The following RNFT2 variants were observed in gnomAD, a reference collection of about 807,000 sequenced individuals.
RNFT2 encodes the protein E3 ubiquitin-protein ligase RNFT2.
Under a neutral mutation model 53.0 loss-of-function variants are expected in RNFT2, and 36 were observed. The observed-to-expected ratio is 0.68, with a 90% CI of 0.52 to 0.90. RNFT2 has a LOEUF of 0.90. Ranked by LOEUF, RNFT2 falls within the 40% of genes least tolerant of loss-of-function variation. The pLI, the probability that RNFT2 is intolerant of heterozygous loss-of-function variation, is 0.00. For synonymous variants in RNFT2, 260 were observed against 253.2 expected, an observed-to-expected ratio of 1.03 and a Z score of -0.26; for missense variants, 514 against 585.6, an observed-to-expected ratio of 0.88 and a Z score of 1.26.
rs35922781 is a variant in RNFT2 at position 116,846,437 on chromosome 12, AT to A, written c.1201-2865del. ...CGGCACATGCCACCATGCCCAGCTA[AT>A]TTTTTTTTTTTGTAGAGACATATGG... On this transcript the variant is annotated intron_variant, in intron 10 of 10. Coordinates refer to ENST00000257575, the MANE Select transcript of RNFT2 (RefSeq NM_001382266.1). Among the ~76,000 whole-genome samples, 22 of 104,358 alleles carry A rather than the reference AT, an allele frequency of 2.1e-4. 1 individual carries two copies. The highest frequency in any genetic ancestry group is 8.9e-4 in the South Asian group (3 of 3,358). 68.5% of individuals were successfully genotyped at this position (104,358 alleles called of 152,430 possible).
At chr12:116,816,135 A>C (rs1161528371) in intron 7 of RNFT2, among the ~76,000 whole-genome samples, 1 of 152,200 alleles carries the variant, frequency 6.6e-6, no homozygotes, top group East Asian at 1.9e-4. Flanking sequence ...TTTCGTAGCT[A>C]ACAGGGTCCC....
intron 10 of RNFT2, among the ~76,000 whole-genome samples, chr12:116,844,918 A>T (rs1462219732): frequency 6.6e-6 from 1 of 152,114 alleles, no homozygotes; most frequent in Admixed American, 6.6e-5. Context: ...AACCGTACTC[A>T]GCATAAAACC....
chr12:116,798,001 C>A lies in RNFT2; in HGVS notation c.882+18653C>A, dbSNP rs910076332. 2.6e-5 allele frequency among the ~76,000 whole-genome samples: 4 copies of A among 152,138 alleles called. No individual in the cohort carries two copies. In the East Asian group the frequency reaches 7.7e-4, roughly 29 times the overall value. ...AAGCTGCCTCCACCCTGTCCCTGTTCTAGCTAGCTCTCAACTTGGCCCCAT... is the reference window on the plus strand; with the variant it reads ...AAGCTGCCTCCACCCTGTCCCTGTTATAGCTAGCTCTCAACTTGGCCCCAT... On this transcript the variant is annotated intron_variant, in intron 7 of 10. Coordinates refer to ENST00000257575, the MANE Select transcript of RNFT2 (RefSeq NM_001382266.1).
chr12:116,839,060 A>G (rs1266207624), intron 10 of RNFT2, among the ~76,000 whole-genome samples: 1 of 152,226 alleles, frequency 6.6e-6, no homozygotes, highest in African/African-American at 2.4e-5. Flanking sequence ...TGCTTCCTCC[A>G]TAAAGTCTTT....
At chr12:116,824,208 C>T (rs1039241054) in intron 7 of RNFT2, among the ~76,000 whole-genome samples, 1 of 152,160 alleles carries the variant, frequency 6.6e-6, no homozygotes, top group African/African-American at 2.4e-5. Context: ...TATGTATAGA[C>T]TCCCATTCCT....
At chr12:116,790,252 C>T (rs931524558) in intron 7 of RNFT2, among the ~76,000 whole-genome samples, 7 of 152,146 alleles carry the variant, frequency 4.6e-5, no homozygotes, top group African/African-American at 1.7e-4. Flanking sequence ...TATTATGAGG[C>T]AATGTGTTAA....
At chr12:116,805,116 A>G (rs868076978) in intron 7 of RNFT2, among the ~76,000 whole-genome samples, 2 of 102,870 alleles carry the variant, frequency 1.9e-5, no homozygotes, top group South Asian at 6.9e-4. Context: ...GGGTTAAGAC[A>G]TTGTCTTTTT....
rs1566069421 is a variant in RNFT2, at chr12:116,750,856, A to ATG, written c.550+550_550+551insGT. Among the ~76,000 whole-genome samples, 9 of 14,698 alleles carry ATG rather than the reference A, an allele frequency of 6.1e-4. 1 individual carries two copies. The highest frequency in any genetic ancestry group is 7.8e-3 in the South Asian group (2 of 256). The allele number at this position is 14,698 out of a possible 152,430, so 9.6% of individuals were successfully genotyped here. A position where few individuals can be genotyped will look rare whatever the true frequency, so the allele number is the denominator to read the frequency against. On this transcript the variant is annotated intron_variant, in intron 4 of 10. Coordinates refer to ENST00000257575, the MANE Select transcript of RNFT2 (RefSeq NM_001382266.1). ...TATATATATTATATATATATAATAT[A>ATG]TATTATATATATATAATATATATAT...
At chr12:116,801,233 C>T (rs1474818574) in intron 7 of RNFT2, 2 of 152,222 alleles carry the variant, frequency 1.3e-5, no homozygotes, top group South Asian at 2.1e-4. Context: ...TCCCTTTTCT[C>T]ACCGTCAGGT....
In RNFT2 at chr12:116,823,892, A is replaced by G. The variant is rs1010387601; in HGVS notation, c.883-9900A>G. ...ACAACCCTAGGAGCCAGGGGCTACCATTAGCCCCATTTTACTAGCGAGGAA... is the reference window on the plus strand; with the variant it reads ...ACAACCCTAGGAGCCAGGGGCTACCGTTAGCCCCATTTTACTAGCGAGGAA... On this transcript the variant is annotated intron_variant, in intron 7 of 10. Transcript: ENST00000257575. 4.0e-5 allele frequency among the ~76,000 whole-genome samples: 6 copies of G among 151,894 alleles called. No individual in the cohort carries two copies. The South Asian group carries it at 1.2e-3, about 31-fold the overall frequency.
At chr12:116,759,954 G>A (rs1017303382) in intron 5 of RNFT2, among the ~76,000 whole-genome samples, 9 of 152,114 alleles carry the variant, frequency 5.9e-5, no homozygotes, top group African/African-American at 1.2e-4. Context: ...TACCAGGGTG[G>A]GTAGGAGGGA....
intron 7 of RNFT2, among the ~76,000 whole-genome samples, chr12:116,786,927 G>GTCT (rs1873959439): frequency 6.6e-6 from 1 of 152,124 alleles, no homozygotes. Flanking sequence ...TGGCCACATG[G>GTCT]TCTTCTCCTC....
chr12:116,804,407 A>G (rs1359330932), intron 7 of RNFT2, among the ~76,000 whole-genome samples: 1 of 152,228 alleles, frequency 6.6e-6, no homozygotes, highest in Non-Finnish European at 1.5e-5. Flanking sequence ...CTGAAGTTTG[A>G]TAACCACAGA....
chr12:116,781,469 C>T (rs905717219), intron 7 of RNFT2, among the ~76,000 whole-genome samples: 2 of 152,110 alleles, frequency 1.3e-5, no homozygotes, highest in Admixed American at 1.3e-4. Flanking sequence ...ATTATCTTAT[C>T]GTTCTGGAGG....
intron 9 of RNFT2, 72 bp from the exon 10 acceptor site, chr12:116,836,109 T>C (rs1012108695): frequency 1.3e-6 from 2 of 1,597,608 alleles, no homozygotes; most frequent in African/African-American, 2.7e-5. Context: ...AGCCCACAGA[T>C]CTCACAGTGC....
intron 7 of RNFT2, among the ~76,000 whole-genome samples, chr12:116,809,712 G>A (rs569427961): frequency 6.6e-6 from 1 of 151,928 alleles, no homozygotes; most frequent in South Asian, 2.1e-4. Context: ...TGCTCTTGTT[G>A]CTCAGGTTGG....
chr12:116,823,177 C>T (rs1406491171), intron 7 of RNFT2, among the ~76,000 whole-genome samples: 2 of 152,106 alleles, frequency 1.3e-5, no homozygotes, highest in African/African-American at 4.8e-5. Flanking sequence ...TGTTAGCTGT[C>T]ACTTATAGCC....
chr12:116,784,301 G>C (rs1480256520), intron 7 of RNFT2, among the ~76,000 whole-genome samples: 1 of 152,196 alleles, frequency 6.6e-6, no homozygotes, highest in Non-Finnish European at 1.5e-5. Flanking sequence ...TCCGCCGCAC[G>C]TGTCGTGTCC....
At chr12:116,821,644 A>G (rs1876030436) in intron 7 of RNFT2, among the ~76,000 whole-genome samples, 1 of 152,156 alleles carries the variant, frequency 6.6e-6, no homozygotes, top group Non-Finnish European at 1.5e-5. Flanking sequence ...GTCTCGCAGG[A>G]GGCTGAGGGC....
Sources: allele counts gnomAD v4.1 joint callset (sites outside exome capture counted in the v4.1 genomes callset), GRCh38; gene constraint gnomAD v4.1.1; transcripts MANE v1.5; gene names NCBI Gene and HGNC (gene_info 2026-07-23, HGNC 2026-07-21).